The following TMEFF2 variants were observed in gnomAD, a reference collection of about 807,000 sequenced individuals.
TMEFF2 encodes tomoregulin-2.
A neutral mutation model predicts 53.8 loss-of-function variants in TMEFF2; 28 were observed. The ratio of observed to expected loss-of-function variants is 0.52; its 90% CI spans 0.39 to 0.71. The LOEUF is 0.71. TMEFF2 is among the 30% of genes least tolerant of loss of function. TMEFF2 has a pLI of 0.00. For synonymous variants in TMEFF2, 162 were observed against 166.3 expected, an observed-to-expected ratio of 0.97 and a Z score of 0.20; for missense variants, 353 against 455.2, an observed-to-expected ratio of 0.78 and a Z score of 2.04.
At chr2:192,024,864 C>T (rs554690090) in intron 5 of TMEFF2, among the ~76,000 whole-genome samples, 2 of 152,294 alleles carry the variant, frequency 1.3e-5, no homozygotes, top group South Asian at 4.1e-4. Flanking sequence ...ATTCTGCCAC[C>T]TCTTTATGCA....
rs149121920 is a variant in TMEFF2 at position 192,150,192 on chromosome 2, G to A, written c.439+29476C>T. ...TTTTAAATTTGTATTTTTCCTCAAC[G>A]GAAACTTAGTTACCATATTCCTCTA... On this transcript the variant is annotated intron_variant, in intron 4 of 9. Transcript: ENST00000272771. Among the ~76,000 whole-genome samples, 75 of 151,786 alleles carry A rather than the reference G, an allele frequency of 4.9e-4. No homozygotes were observed. The East Asian group carries it at 0.014, about 27-fold the overall frequency.
Position 192,075,310 on chromosome 2 carries a change from T to A in TMEFF2, c.440-17535A>T, listed in dbSNP as rs74545410. ...TTATATATATATATATATATATATA[T>A]ATATATATATATATATATATATACA... On this transcript the variant is annotated intron_variant, in intron 4 of 9. Coordinates refer to ENST00000272771, the MANE Select transcript of TMEFF2 (RefSeq NM_016192.4). Among the ~76,000 whole-genome samples, 677 of 74,602 alleles carry A rather than the reference T, an allele frequency of 9.1e-3. 13 individuals are homozygous for A. Among genetic ancestry groups the A allele is most frequent in the Non-Finnish European group, 0.012 (453 of 37,056 alleles). The allele number at this position is 74,602 out of a possible 152,430, so 48.9% of individuals were successfully genotyped here.
At position 192,167,852 on chromosome 2, in the gene TMEFF2, C is replaced by T. The variant is rs150275706; in HGVS notation, c.439+11816G>A. ...AGTTGAGGGTCATAGTTAGCAATTA[C>T]TGGGAAGTAGAAGAGTGGCTTCCGT... is the stretch of plus-strand genomic sequence containing the variant. On this transcript the variant is annotated intron_variant, in intron 4 of 9. Coordinates refer to ENST00000272771, the MANE Select transcript of TMEFF2 (RefSeq NM_016192.4). 5.4e-3 allele frequency among the ~76,000 whole-genome samples: 821 copies of T among 152,278 alleles called. 7 individuals are homozygous for T. Among genetic ancestry groups the T allele is most frequent in the African/African-American group, 0.018 (761 of 41,570 alleles).
intron 7 of TMEFF2, among the ~76,000 whole-genome samples, chr2:191,988,706 A>G (rs1192967779): frequency 2.0e-5 from 3 of 152,164 alleles, no homozygotes; most frequent in Non-Finnish European, 4.4e-5. Flanking sequence ...TGAAATTTTT[A>G]AAGACATACT....
chr2:191,956,427 T>C, intron 7 of TMEFF2, 49 bp from the exon 8 acceptor site: 1 of 1,588,948 alleles, frequency 6.3e-7, no homozygotes, highest in South Asian at 1.2e-5. Flanking sequence ...CTTAGCCTGG[T>C]AAGATCAACC....
intron 4 of TMEFF2, among the ~76,000 whole-genome samples, chr2:192,128,533 CAAGTG>C (rs1689732285): frequency 6.6e-6 from 1 of 152,122 alleles, no homozygotes; most frequent in African/African-American, 2.4e-5. Context: ...AACATCAGAA[CAAGTG>C]AAGTGTTGCC....
chr2:192,083,731 C>T (rs1194816864), intron 4 of TMEFF2, among the ~76,000 whole-genome samples: 1 of 150,318 alleles, frequency 6.7e-6, no homozygotes, highest in East Asian at 2.0e-4. Context: ...GTATGTTCAT[C>T]GTTTCTTAAA....
intron 4 of TMEFF2, among the ~76,000 whole-genome samples, chr2:192,126,052 G>GT (rs1202396345): frequency 1.3e-5 from 2 of 152,136 alleles, no homozygotes; most frequent in African/African-American, 4.8e-5. Context: ...ACAAAAGTTT[G>GT]TTTTTTGAAA....
At chr2:192,188,969 C>T (rs917345497) in intron 2 of TMEFF2, among the ~76,000 whole-genome samples, 4 of 151,838 alleles carry the variant, frequency 2.6e-5, no homozygotes, top group African/African-American at 9.7e-5. Context: ...GACAAACCCC[C>T]GTGACACATG....
chr2:191,950,136 A>G lies in TMEFF2; in HGVS notation c.*175T>C. The G allele has an allele frequency of 7.2e-7, 1 of 1,389,584 alleles. No homozygotes were observed. The allele number at this position is 1,389,584 out of a possible 1,614,324, so 86.1% of individuals were successfully genotyped here. A position where few individuals can be genotyped will look rare whatever the true frequency, so the allele number is the denominator to read the frequency against. ...AAAAAACATCAAGACAATGTATACT[A>G]TTTCAAATATATCCATACATAATCA... On this transcript the variant is annotated 3_prime_UTR_variant, in exon 10 of 10. Coordinates refer to ENST00000272771, the MANE Select transcript of TMEFF2 (RefSeq NM_016192.4).
chr2:192,147,199 T>C (rs1690272827), intron 4 of TMEFF2, among the ~76,000 whole-genome samples: 1 of 152,024 alleles, frequency 6.6e-6, no homozygotes, highest in Admixed American at 6.6e-5. Context: ...TGGCATCTAC[T>C]AGTTAAACTG....
intron 4 of TMEFF2, among the ~76,000 whole-genome samples, chr2:192,076,679 T>G: frequency 6.6e-6 from 1 of 152,180 alleles, no homozygotes; most frequent in Admixed American, 6.6e-5. Flanking sequence ...GCCCACCCTC[T>G]ACTAGCACCA....
At chr2:192,068,237 A>G (rs1688210392) in intron 4 of TMEFF2, among the ~76,000 whole-genome samples, 1 of 151,894 alleles carries the variant, frequency 6.6e-6, no homozygotes, top group Non-Finnish European at 1.5e-5. Flanking sequence ...TATCATTAAG[A>G]AAGTGTTAAA....
At chr2:192,086,526 T>A (rs945404932) in intron 4 of TMEFF2, among the ~76,000 whole-genome samples, 3 of 152,138 alleles carry the variant, frequency 2.0e-5, no homozygotes, top group Non-Finnish European at 4.4e-5. Flanking sequence ...TAGTATGTAT[T>A]ACCTTGGTAA....
At chr2:192,187,716 A>T (rs566411740) in intron 2 of TMEFF2, among the ~76,000 whole-genome samples, 34 of 152,292 alleles carry the variant, frequency 2.2e-4, no homozygotes, top group African/African-American at 8.2e-4. Flanking sequence ...ATGTTTTAAA[A>T]ATCTTATGTT....
chr2:192,180,667 C>T (rs10192349), intron 3 of TMEFF2, among the ~76,000 whole-genome samples: 145,799 of 151,774 alleles, frequency 0.96, 70,298 homozygotes, highest in East Asian at 1. Context: ...TAAGAATTTA[C>T]GGTCCAATTA....
chr2:192,169,317 T>C (rs1690850068), intron 4 of TMEFF2, among the ~76,000 whole-genome samples: 1 of 152,126 alleles, frequency 6.6e-6, no homozygotes, highest in Non-Finnish European at 1.5e-5. Context: ...GGGTTTTGGA[T>C]AAATAGAAGA....
At chr2:192,182,375 T>C (rs1691207973) in intron 3 of TMEFF2, among the ~76,000 whole-genome samples, 1 of 151,930 alleles carries the variant, frequency 6.6e-6, no homozygotes, top group Non-Finnish European at 1.5e-5. Context: ...CAAAAACCTT[T>C]TAGATTTACA....
At chr2:192,161,663 T>G (rs1386866933) in intron 4 of TMEFF2, among the ~76,000 whole-genome samples, 2 of 152,210 alleles carry the variant, frequency 1.3e-5, no homozygotes, top group Non-Finnish European at 2.9e-5. Context: ...CCTTTTCTTC[T>G]GTTAAAGAAA....
Sources: gnomAD v4.1 joint callset for allele counts (sites outside exome capture counted in the v4.1 genomes callset) on GRCh38, gnomAD v4.1.1 for gene constraint, MANE v1.5 for transcripts, NCBI Gene and HGNC (gene_info 2026-07-23, HGNC 2026-07-21) for gene names.